The following FHIT variants were observed in gnomAD, a reference collection of about 807,000 sequenced individuals.
The protein encoded by FHIT is fragile histidine triad diadenosine triphosphatase.
FHIT carries 19 observed loss-of-function variants against 17.9 expected under a neutral mutation model. That is an observed-to-expected ratio of 1.06 (90% confidence interval 0.74 to 1.56). The LOEUF (loss-of-function observed/expected upper bound fraction) is 1.56, where lower values mean the gene tolerates loss of function less well. Among genes scored for constraint, FHIT ranks in the 40% most tolerant of loss-of-function variants. The pLI, the probability that FHIT is intolerant of heterozygous loss-of-function variation, is 0.00. For missense variants in FHIT, 248 were observed against 189.2 expected, an observed-to-expected ratio of 1.31 and a Z score of -1.82; for synonymous variants, 81 against 69.7, an observed-to-expected ratio of 1.16 and a Z score of -0.81.
At chr3:60,138,194 G>C (rs1384788779) in intron 5 of FHIT, among the ~76,000 whole-genome samples, 1 of 152,150 alleles carries the variant, frequency 6.6e-6, no homozygotes, top group Non-Finnish European at 1.5e-5. Context: ...ATGACGCAAA[G>C]GAAGTCAGAA....
At chr3:60,224,422 G>GC (rs1704095707) in intron 5 of FHIT, among the ~76,000 whole-genome samples, 1 of 152,148 alleles carries the variant, frequency 6.6e-6, no homozygotes, top group South Asian at 2.1e-4. Context: ...GAAGGGAGAT[G>GC]CTTCCTTTCA....
chr3:61,111,032 T>C (rs1242512407), intron 2 of FHIT, among the ~76,000 whole-genome samples: 1 of 152,220 alleles, frequency 6.6e-6, no homozygotes, highest in Non-Finnish European at 1.5e-5. Context: ...ATACTGAATT[T>C]TTGATAACAC....
At chr3:60,216,775 T>G (rs1290069229) in intron 5 of FHIT, among the ~76,000 whole-genome samples, 1 of 152,132 alleles carries the variant, frequency 6.6e-6, no homozygotes, top group African/African-American at 2.4e-5. Context: ...TTTCCAGACA[T>G]GTTCCAGTGT....
chr3:60,797,034 C>T (rs769817340), intron 4 of FHIT, among the ~76,000 whole-genome samples: 3 of 152,058 alleles, frequency 2.0e-5, no homozygotes, highest in Non-Finnish European at 4.4e-5. Context: ...ATATTTTGAA[C>T]CACATATTTT....
chr3:60,886,675 C>T (rs929164608), intron 3 of FHIT, among the ~76,000 whole-genome samples: 1 of 152,166 alleles, frequency 6.6e-6, no homozygotes, highest in Admixed American at 6.5e-5. Context: ...TCCAAGTACT[C>T]ATTGTCATGA....
At chr3:60,325,782 G>A (rs1310705429) in intron 5 of FHIT, among the ~76,000 whole-genome samples, 1 of 152,204 alleles carries the variant, frequency 6.6e-6, no homozygotes, top group Non-Finnish European at 1.5e-5. Flanking sequence ...TGCCAGCAGG[G>A]CATTTACTGT....
intron 7 of FHIT, among the ~76,000 whole-genome samples, chr3:59,983,290 A>C (rs1016002588): frequency 6.6e-6 from 1 of 152,116 alleles, no homozygotes; most frequent in East Asian, 1.9e-4. Flanking sequence ...TGGTTCACAT[A>C]AACACATCCT....
chr3:60,677,072 T>C (rs2040637418), intron 4 of FHIT, among the ~76,000 whole-genome samples: 1 of 152,090 alleles, frequency 6.6e-6, no homozygotes, highest in South Asian at 2.1e-4. Flanking sequence ...AGGTGGTGTT[T>C]TGCCATGTTG....
intron 5 of FHIT, among the ~76,000 whole-genome samples, chr3:60,163,302 T>C (rs1701019391): frequency 6.6e-6 from 1 of 152,052 alleles, no homozygotes; most frequent in Non-Finnish European, 1.5e-5. Flanking sequence ...CTATGTCACC[T>C]CCAAAGGTAG....
intron 5 of FHIT, among the ~76,000 whole-genome samples, chr3:60,498,812 T>C (rs1172788424): frequency 6.6e-6 from 1 of 152,058 alleles, no homozygotes; most frequent in Non-Finnish European, 1.5e-5. Context: ...GTATACACTT[T>C]TACACCAAAT....
At chr3:61,174,401 T>C (rs567154463) in intron 2 of FHIT, among the ~76,000 whole-genome samples, 96 of 152,328 alleles carry the variant, frequency 6.3e-4, no homozygotes, top group Non-Finnish European at 1.1e-3. Context: ...TGAGTAAGCA[T>C]AATCATTTTA....
intron 3 of FHIT, among the ~76,000 whole-genome samples, chr3:60,890,622 T>C (rs1575650360): frequency 1.3e-5 from 2 of 152,228 alleles, no homozygotes; most frequent in East Asian, 3.8e-4. Flanking sequence ...TCTGTGCAAG[T>C]AGTCCCTCTT....
At chr3:60,484,458 G>T (rs1036789303) in intron 5 of FHIT, among the ~76,000 whole-genome samples, 3 of 152,116 alleles carry the variant, frequency 2.0e-5, no homozygotes, top group African/African-American at 7.2e-5. Flanking sequence ...CATGGTACTG[G>T]TATCAAAACA....
intron 5 of FHIT, among the ~76,000 whole-genome samples, chr3:60,305,466 A>T (rs1708629068): frequency 6.6e-6 from 1 of 152,126 alleles, no homozygotes; most frequent in Non-Finnish European, 1.5e-5. Context: ...TGTTTCATGC[A>T]GGGCCATGAG....
intron 4 of FHIT, among the ~76,000 whole-genome samples, chr3:60,594,980 G>C (rs2252742): frequency 0.12 from 17,721 of 151,826 alleles, 2,114 homozygotes; most frequent in African/African-American, 0.31. Flanking sequence ...TGGACCTTTT[G>C]TTTCCACCTG....
intron 5 of FHIT, among the ~76,000 whole-genome samples, chr3:60,265,734 A>G (rs1166884326): frequency 6.6e-6 from 1 of 151,944 alleles, no homozygotes; most frequent in Non-Finnish European, 1.5e-5. Flanking sequence ...TCAATAATAA[A>G]TAGATGATTC....
intron 3 of FHIT, among the ~76,000 whole-genome samples, chr3:60,957,233 C>CTTTTTTTTTTTTTTTTT (rs35221092): frequency 6.2e-5 from 6 of 97,132 alleles, no homozygotes; most frequent in South Asian, 3.9e-4. Context: ...TTCTTTCTTT[C>CTTTTTTTTTTTTTTTTT]TTTTTTTTTT....
Position 60,441,748 on chromosome 3 carries a change from A to T in FHIT, c.103+95112T>A, listed in dbSNP as rs1228860204. ...TTTGTATTTATATATATATATTTAT[A>T]TATATAAAAATATATATATATTTAT... On this transcript the variant is annotated intron_variant, in intron 5 of 9. Coordinates refer to ENST00000492590, the MANE Select transcript of FHIT (RefSeq NM_002012.4). Among the ~76,000 whole-genome samples, 100 of 38,572 alleles carry T rather than the reference A, an allele frequency of 2.6e-3. 5 individuals are homozygous for T. In the Middle Eastern group the frequency reaches 0.044, roughly 17 times the overall value. The allele number at this position is 38,572 out of a possible 152,430, so 25.3% of individuals were successfully genotyped here. A position where few individuals can be genotyped will look rare whatever the true frequency, so the allele number is the denominator to read the frequency against.
intron 4 of FHIT, among the ~76,000 whole-genome samples, chr3:60,639,925 C>T (rs2856059): frequency 0.49 from 74,672 of 151,984 alleles, 20,073 homozygotes; most frequent in Non-Finnish European, 0.62. Context: ...CACAAAATGT[C>T]GAATAACCAT....
Sources: gnomAD v4.1 joint callset for allele counts (sites outside exome capture counted in the v4.1 genomes callset) on GRCh38, gnomAD v4.1.1 for gene constraint, MANE v1.5 for transcripts, NCBI Gene and HGNC (gene_info 2026-07-23, HGNC 2026-07-21) for gene names.